The following SMARCAL1 variants were observed in gnomAD, a reference collection of about 807,000 sequenced individuals.
SMARCAL1 encodes ATP-driven annealing helicase.
A neutral mutation model predicts 94.5 loss-of-function variants in SMARCAL1; 58 were observed. The observed-to-expected ratio is 0.61, with a 90% confidence interval of 0.50 to 0.76. SMARCAL1 has a LOEUF of 0.76. Among genes scored for constraint, SMARCAL1 ranks in the 30% least tolerant of loss-of-function variants. SMARCAL1 has a pLI of 0.00. For synonymous variants in SMARCAL1, 422 were observed against 455.1 expected (o/e 0.93, Z 0.93); for missense variants, 1,051 against 1,177.9 (o/e 0.89, Z 1.58).
chr2:216,460,537 G>A (rs1694672285), intron 12 of SMARCAL1, among the ~76,000 whole-genome samples: 1 of 151,926 alleles, frequency 6.6e-6, no homozygotes, highest in Non-Finnish European at 1.5e-5. Context: ...TCCTTTGTAG[G>A]GACATGGATG....
Position 216,455,183 on chromosome 2 carries a change from A to G in SMARCAL1, c.2070+4119A>G, listed in dbSNP as rs1324780781. Among the ~76,000 whole-genome samples the G allele has an allele frequency of 7.9e-5, 12 of 152,220 alleles. No homozygotes were observed. The South Asian group carries it at 2.3e-3, about 29-fold the overall frequency. On this transcript the variant is annotated intron_variant, in intron 12 of 17. Coordinates refer to ENST00000357276, the MANE Select transcript of SMARCAL1 (RefSeq NM_014140.4). ...TGCCCGCCATTGCTGAGGCTTGAGT[A>G]GGTAAACAAAGCAGCTGGGAAGCTC...
chr2:216,456,511 A>G (rs1694572158), intron 12 of SMARCAL1, among the ~76,000 whole-genome samples: 1 of 151,482 alleles, frequency 6.6e-6, no homozygotes, highest in African/African-American at 2.4e-5. Flanking sequence ...CAGAAACTCT[A>G]CAAGCCAGAA....
Position 216,415,263 on chromosome 2 carries a change from G to A in SMARCAL1, c.559G>A (p.Asp187Asn), listed in dbSNP as rs761014406. 2 of 1,614,098 alleles carry A rather than the reference G, an allele frequency of 1.2e-6. No individual in the cohort carries two copies. Among genetic ancestry groups the A allele is most frequent in the South Asian group, 1.1e-5 (1 of 91,092 alleles). The change falls in exon 3 of 18, where the codon GAT becomes AAT. Residue 187 changes from aspartate to asparagine, a missense_variant. Coordinates refer to ENST00000357276, the MANE Select transcript of SMARCAL1 (RefSeq NM_014140.4). ...TCATTCCTCTGGACAGCCTCCCAGG[G>A]ATGCTAAGTTAGAGGCCAAGACAGC... is the stretch of plus-strand genomic sequence containing the variant. Reference protein sequence around the residue: ...PAHSSGQPPRDAKLEAKTAKA... With the variant: ...PAHSSGQPPRNAKLEAKTAKA...
intron 6 of SMARCAL1, among the ~76,000 whole-genome samples, chr2:216,428,342 A>G (rs995717748): frequency 2.0e-5 from 3 of 152,100 alleles, no homozygotes; most frequent in African/African-American, 4.8e-5. Context: ...TGAAGTTTAA[A>G]ATCAGGTGAG....
chr2:216,450,909 G>A lies in SMARCAL1; in HGVS notation c.1915G>A (p.Glu639Lys). The A allele has an allele frequency of 6.2e-7, 1 of 1,614,220 alleles. No individual in the cohort carries two copies. Among genetic ancestry groups the A allele is most frequent in the Non-Finnish European group, 8.5e-7 (1 of 1,180,036 alleles). ...NLGELKLLLE[E>K]AVMLRRLKSD... ...GGGAGAGCTGAAGCTCCTGCTGGAG[G>A]AAGCAGTCATGCTGCGGCGCCTCAA... Residue 639 changes from glutamate to lysine, a missense_variant, in exon 12 of 18, where the codon GAA becomes AAA. By Grantham distance (56) the Glu-to-Lys change is moderately conservative (BLOSUM62 1). Around this residue, in one of 3 missense-constraint regions of SMARCAL1, gnomAD observed 642 missense variants for 754.7 expected, o/e 0.85. Coordinates refer to ENST00000357276, the MANE Select transcript of SMARCAL1 (RefSeq NM_014140.4).
chr2:216,470,148 C>G (rs1340963243), intron 14 of SMARCAL1, among the ~76,000 whole-genome samples: 1 of 151,530 alleles, frequency 6.6e-6, no homozygotes, highest in Non-Finnish European at 1.5e-5. Context: ...ATCTTTTTAT[C>G]TTTTAAATTT....
chr2:216,439,653 C>T (rs950051540), intron 10 of SMARCAL1, among the ~76,000 whole-genome samples: 4 of 152,210 alleles, frequency 2.6e-5, no homozygotes, highest in Admixed American at 2.0e-4. Flanking sequence ...ACAAAACACA[C>T]GTAAGTGTCC....
rs747604209 is a variant in SMARCAL1, at chr2:216,450,851, T to C, written c.1857T>C (p.Pro619=). The change falls in exon 12 of 18, where the codon CCT becomes CCC. Residue 619 remains proline, a synonymous_variant. Coordinates refer to ENST00000357276, the MANE Select transcript of SMARCAL1 (RefSeq NM_014140.4). ...CGCTGTCTTGTTCTCTGCAGATGCC[T>C]TGGGGGTGGGACTACTCAGGTTCCT... The part of the protein sequence containing the change: ...GLRYCDAKRM[P]WGWDYSGSSN... 11 of 1,613,546 alleles carry C rather than the reference T, an allele frequency of 6.8e-6. No individual in the cohort carries two copies. The highest frequency in any genetic ancestry group is 1.7e-5 in the Admixed American group (1 of 60,010).
chr2:216,470,343 C>T (rs766472139), intron 14 of SMARCAL1, among the ~76,000 whole-genome samples: 1 of 151,930 alleles, frequency 6.6e-6, no homozygotes, highest in African/African-American at 2.4e-5. Context: ...TTAGTAGAGA[C>T]GGGGTTCCAC....
intron 12 of SMARCAL1, among the ~76,000 whole-genome samples, chr2:216,457,370 A>G (rs916815238): frequency 6.6e-6 from 1 of 152,246 alleles, no homozygotes; most frequent in Non-Finnish European, 1.5e-5. Flanking sequence ...CTCCACCCCA[A>G]ATCAACAGAA....
chr2:216,430,847 G>T (rs1264572215), intron 7 of SMARCAL1, among the ~76,000 whole-genome samples: 3 of 152,236 alleles, frequency 2.0e-5, no homozygotes, highest in Non-Finnish European at 4.4e-5. Context: ...TTGTAAATCA[G>T]AAAGTGAGGT....
intron 13 of SMARCAL1, among the ~76,000 whole-genome samples, chr2:216,465,374 A>T (rs1276521716): frequency 3.3e-5 from 5 of 152,076 alleles, no homozygotes; most frequent in Non-Finnish European, 5.9e-5. Context: ...ATTTGCCTTT[A>T]GGGAAAAAAA....
rs1329766918 is a variant in SMARCAL1 at position 216,450,695 on chromosome 2, T to C, written c.1852-151T>C. The C allele has an allele frequency of 6.4e-6, 4 of 626,446 alleles. No individual in the cohort carries two copies. The African/African-American group carries it at 7.4e-5, about 12-fold the overall frequency. 38.8% of individuals were successfully genotyped at this position (626,446 alleles called of 1,614,324 possible). ...CCTTTCCATTTCTCATTTGTTTTAT[T>C]GGGGGTTTATTTGTCCCTGTAAGTC... On this transcript the variant is annotated intron_variant, in intron 11 of 17. Coordinates refer to ENST00000357276, the MANE Select transcript of SMARCAL1 (RefSeq NM_014140.4).
intron 14 of SMARCAL1, among the ~76,000 whole-genome samples, chr2:216,469,868 C>G (rs1694923735): frequency 6.6e-6 from 1 of 152,212 alleles, no homozygotes; most frequent in Admixed American, 6.5e-5. Context: ...TCCTGCTGTT[C>G]TGTGTGCCCA....
At chr2:216,448,381 T>A (rs1694365573) in intron 11 of SMARCAL1, among the ~76,000 whole-genome samples, 1 of 152,232 alleles carries the variant, frequency 6.6e-6, no homozygotes, top group South Asian at 2.1e-4. Flanking sequence ...GCCCATGGCA[T>A]AATAATGTTC....
intron 14 of SMARCAL1, among the ~76,000 whole-genome samples, chr2:216,474,843 G>A (rs1286472166): frequency 5.3e-5 from 8 of 152,082 alleles, no homozygotes; most frequent in African/African-American, 9.7e-5. Flanking sequence ...AGAGGAGGGA[G>A]GTAAAAGGAT....
intron 14 of SMARCAL1, among the ~76,000 whole-genome samples, chr2:216,472,200 C>CA (rs1190760065): frequency 2.0e-5 from 3 of 151,950 alleles, no homozygotes; most frequent in Non-Finnish European, 4.4e-5. Context: ...ACTAAGAATA[C>CA]AAAAATTAGC....
intron 12 of SMARCAL1, among the ~76,000 whole-genome samples, chr2:216,452,489 A>T (rs977598683): frequency 2.6e-5 from 4 of 151,364 alleles, no homozygotes; most frequent in Non-Finnish European, 4.4e-5. Context: ...ATAAAATGTT[A>T]TTTTTTTTGC....
At chr2:216,460,235 A>T (rs1049992753) in intron 12 of SMARCAL1, among the ~76,000 whole-genome samples, 9 of 152,196 alleles carry the variant, frequency 5.9e-5, no homozygotes, top group Admixed American at 1.3e-4. Context: ...TACACTGTTG[A>T]TGGGACTGTA....
Sources: allele counts gnomAD v4.1 joint callset (sites outside exome capture counted in the v4.1 genomes callset), GRCh38; gene constraint gnomAD v4.1.1; regional missense constraint gnomAD v4.1.1; transcripts MANE v1.5; gene names NCBI Gene and HGNC (gene_info 2026-07-23, HGNC 2026-07-21).